Variants in EZR observed in about 807,000 individuals in gnomAD.
EZR encodes the protein cytovillin 2.
A neutral mutation model predicts 74.8 loss-of-function variants in EZR; 40 were observed. That is an observed-to-expected ratio of 0.53 (90% confidence interval 0.42 to 0.70). The LOEUF is 0.70. Among genes scored for constraint, EZR ranks in the 30% least tolerant of loss-of-function variants. The probability of loss-of-function intolerance (pLI) is 0.00; values close to 1 mark genes in which losing one functional copy is unlikely to be tolerated. For synonymous variants in EZR, 341 were observed against 283.3 expected (o/e 1.20, Z -2.05); for missense variants, 678 against 755.8 (o/e 0.90, Z 1.21).
intron 3 of EZR, 45 bp downstream of exon 3, chr6:158,789,243 G>GT (rs750313410): frequency 1.3e-3 from 1,830 of 1,427,356 alleles, no homozygotes; most frequent in Non-Finnish European, 1.5e-3. Context: ...TTGCAAAACA[G>GT]TTTTTTTTTG....
chr6:158,799,355 C>A (rs1041237536), intron 2 of EZR, among the ~76,000 whole-genome samples: 6 of 152,142 alleles, frequency 3.9e-5, no homozygotes, highest in Non-Finnish European at 8.8e-5. Flanking sequence ...CAACAGTGCC[C>A]GGGCGGCAGG....
intron 13 of EZR, 36 bp from the exon 14 acceptor site, chr6:158,767,114 T>C (rs1255955599): frequency 6.2e-7 from 1 of 1,611,886 alleles, no homozygotes; most frequent in Admixed American, 1.7e-5. Flanking sequence ...AGTCCCTTCC[T>C]CCCCATATGG....
At chr6:158,807,812 G>A (rs553502560) in intron 2 of EZR, among the ~76,000 whole-genome samples, 8 of 152,218 alleles carry the variant, frequency 5.3e-5, no homozygotes, top group Middle Eastern at 6.8e-3. Context: ...AGGAAGGCAC[G>A]GCTCCCTTTA....
Position 158,767,027 on chromosome 6 carries a change from T to C in EZR, c.1648A>G (p.Asn550Asp), listed in dbSNP as rs771140074. The C allele has an allele frequency of 1.9e-6, 3 of 1,614,194 alleles. No individual in the cohort carries two copies. Among genetic ancestry groups the C allele is most frequent in the Non-Finnish European group, 1.7e-6 (2 of 1,180,024 alleles). ...ATGTTCTCGTTGTGGATGATGTCATTGTGGGTCCTCTTATTCTCATCTCGG... is the reference window on the plus strand; with the variant it reads ...ATGTTCTCGTTGTGGATGATGTCATCGTGGGTCCTCTTATTCTCATCTCGG... ...QARDENKRTH[N>D]DIIHNENMRQ... Residue 550 changes from asparagine (N) to aspartate (D), a missense_variant, in exon 14 of 14, where the codon AAT becomes GAT. Coordinates refer to ENST00000367075, the MANE Select transcript of EZR (RefSeq NM_001111077.2).
chr6:158,776,580 C>G (rs1791286438), intron 7 of EZR, 76 bp from the exon 8 acceptor site: 1 of 1,002,828 alleles, frequency 1.0e-6, no homozygotes, highest in African/African-American at 1.6e-5. Flanking sequence ...ATTCGCAAAT[C>G]AATTCTTATT....
At chr6:158,804,712 G>A (rs1777292538) in intron 2 of EZR, among the ~76,000 whole-genome samples, 1 of 151,998 alleles carries the variant, frequency 6.6e-6, no homozygotes, top group Admixed American at 6.5e-5. Context: ...GGAATGCATG[G>A]TTGTCTCTGC....
intron 2 of EZR, among the ~76,000 whole-genome samples, chr6:158,799,749 C>T (rs1240147957): frequency 6.6e-6 from 1 of 152,222 alleles, no homozygotes; most frequent in Non-Finnish European, 1.5e-5. Flanking sequence ...TACTCTAATT[C>T]GGTCAAGGCA....
At chr6:158,816,343 G>A (rs1777553547) in intron 2 of EZR, among the ~76,000 whole-genome samples, 1 of 152,102 alleles carries the variant, frequency 6.6e-6, no homozygotes, top group African/African-American at 2.4e-5. Context: ...ATACAAAAAA[G>A]AAACCATAAA....
chr6:158,778,243 G>C (rs953133381), intron 7 of EZR, among the ~76,000 whole-genome samples: 2 of 152,152 alleles, frequency 1.3e-5, no homozygotes, highest in Non-Finnish European at 2.9e-5. Flanking sequence ...ACTTCAAGGG[G>C]CTGGGATCCC....
At chr6:158,783,053 A>AT (rs1220604607) in intron 7 of EZR, among the ~76,000 whole-genome samples, 1 of 152,208 alleles carries the variant, frequency 6.6e-6, no homozygotes, top group East Asian at 1.9e-4. Flanking sequence ...GACTCCCAGC[A>AT]TTTAGCTCAA....
chr6:158,819,196 G>GCGCCGCGCCCCCTAGGCTGCC lies in EZR; in HGVS notation c.-74+100_-74+120dup, dbSNP rs1329680808. The GCGCCGCGCCCCCTAGGCTGCC allele has an allele frequency of 4.2e-3, 638 of 152,558 alleles. 6 individuals are homozygous for GCGCCGCGCCCCCTAGGCTGCC. The highest frequency in any genetic ancestry group is 0.02 in the Middle Eastern group (6 of 296). The allele number at this position is 152,558 out of a possible 1,614,324, so 9.5% of individuals were successfully genotyped here. On this transcript the variant is annotated intron_variant, in intron 1 of 13. Coordinates refer to ENST00000367075, the MANE Select transcript of EZR (RefSeq NM_001111077.2). ...CCCGGGGGTGCCGGGCGAGAACCCC[G>GCGCCGCGCCCCCTAGGCTGCC]CGCCGCGCCCCCTAGGCTGCCCGCC...
intron 2 of EZR, among the ~76,000 whole-genome samples, chr6:158,793,934 C>T (rs1041017795): frequency 1.3e-5 from 2 of 152,132 alleles, no homozygotes; most frequent in Non-Finnish European, 2.9e-5. Flanking sequence ...GATGACAGGA[C>T]CATTTACATA....
intron 6 of EZR, among the ~76,000 whole-genome samples, 192 bp downstream of exon 6, chr6:158,784,452 C>T (rs1473639577): frequency 6.6e-6 from 1 of 152,140 alleles, no homozygotes; most frequent in East Asian, 1.9e-4. Context: ...CTGCTTCTTT[C>T]CCCAGGCAAG....
intron 2 of EZR, among the ~76,000 whole-genome samples, chr6:158,801,000 TGG>T (rs1157806777): frequency 6.6e-6 from 1 of 152,216 alleles, no homozygotes; most frequent in Non-Finnish European, 1.5e-5. Flanking sequence ...CCAGGCACAG[TGG>T]CTCACTCCTG....
At chr6:158,775,334 G>A (rs1583560344) in intron 8 of EZR, among the ~76,000 whole-genome samples, 1 of 152,150 alleles carries the variant, frequency 6.6e-6, no homozygotes, top group South Asian at 2.1e-4. Flanking sequence ...GCCTGGCCAA[G>A]ACGTTTTTAA....
intron 2 of EZR, among the ~76,000 whole-genome samples, chr6:158,805,393 T>A (rs561397959): frequency 8.2e-4 from 124 of 151,904 alleles, no homozygotes; most frequent in African/African-American, 2.9e-3. Flanking sequence ...AACCTGTTTT[T>A]TAGAGGACAT....
chr6:158,803,530 TATATATATATATATGTATATA>T (rs1777236836), intron 2 of EZR, among the ~76,000 whole-genome samples: 5 of 68,194 alleles, frequency 7.3e-5, no homozygotes, highest in Admixed American at 1.9e-4. Context: ...TGTAACATTA[TATATATATATATATGTATATA>T]TATATATATA....
intron 7 of EZR, among the ~76,000 whole-genome samples, chr6:158,778,855 A>G (rs1006041016): frequency 2.0e-5 from 3 of 152,252 alleles, no homozygotes; most frequent in African/African-American, 7.2e-5. Context: ...CCATGAGTCC[A>G]TATTAATATA....
chr6:158,779,505 G>A (rs997926122), intron 7 of EZR, among the ~76,000 whole-genome samples: 10 of 152,204 alleles, frequency 6.6e-5, no homozygotes, highest in Non-Finnish European at 1.5e-4. Flanking sequence ...AGGAAGCTAA[G>A]TGAAGGGTAT....
Sources: gnomAD v4.1 joint callset for allele counts (sites outside exome capture counted in the v4.1 genomes callset) on GRCh38, gnomAD v4.1.1 for gene constraint, MANE v1.5 for transcripts, NCBI Gene and HGNC (gene_info 2026-07-23, HGNC 2026-07-21) for gene names.